The following TENM3 variants were observed in gnomAD, a reference collection of about 807,000 sequenced individuals.
TENM3 encodes the protein teneurin-3.
In TENM3, 63 loss-of-function variants were observed where a neutral mutation model predicts 255.1. The ratio of observed to expected loss-of-function variants is 0.25; its 90% CI spans 0.20 to 0.30. The LOEUF is 0.30. Among genes scored for constraint, TENM3 ranks in the 10% least tolerant of loss-of-function variants. The probability of loss-of-function intolerance (pLI) is 1.00; values close to 1 mark genes in which losing one functional copy is unlikely to be tolerated. For missense variants in TENM3, 2,929 were observed against 3,461.1 expected (o/e 0.85, Z 3.86); for synonymous variants, 1,306 against 1,322.3 (o/e 0.99, Z 0.27).
the TENM3 span, among the ~76,000 whole-genome samples, chr4:181,584,380 C>A: frequency 1.2e-4 from 19 of 152,254 alleles, no homozygotes; most frequent in African/African-American, 3.4e-4. Context: ...AGTCCTCTTA[C>A]CTAACTGTCC....
At chr4:182,045,432 TTTC>T in the TENM3 span, among the ~76,000 whole-genome samples, 3,758 of 152,044 alleles carry the variant, frequency 0.025, 162 homozygotes, top group African/African-American at 0.084. Flanking sequence ...CTAAATAGAT[TTTC>T]TTCTTGCTGA....
chr4:182,643,973 T>C (rs1252575827), intron 5 of TENM3, among the ~76,000 whole-genome samples: 1 of 152,222 alleles, frequency 6.6e-6, no homozygotes, highest in African/African-American at 2.4e-5. Context: ...TCTTTGTCTT[T>C]GTGAGAATGT....
the TENM3 span, among the ~76,000 whole-genome samples, chr4:181,700,161 C>T: frequency 3.9e-5 from 6 of 152,106 alleles, no homozygotes; most frequent in South Asian, 1.0e-3. Flanking sequence ...AAATAAAATG[C>T]TCATGAAAAT....
At chr4:181,476,378 C>T in the TENM3 span, among the ~76,000 whole-genome samples, 597 of 152,110 alleles carry the variant, frequency 3.9e-3, 3 homozygotes, top group Non-Finnish European at 5.7e-3. Flanking sequence ...ATTACTGGGA[C>T]GTGAGGGCAG....
intron 3 of TENM3, among the ~76,000 whole-genome samples, chr4:182,464,960 A>C (rs17073340): frequency 0.017 from 2,566 of 152,200 alleles, 96 homozygotes; most frequent in African/African-American, 0.059. Flanking sequence ...TTTGATGTTT[A>C]CTGCTGAATT....
chr4:182,032,734 T>C, the TENM3 span, among the ~76,000 whole-genome samples: 2 of 152,298 alleles, frequency 1.3e-5, no homozygotes, highest in East Asian at 3.9e-4. Context: ...TGATAACTTG[T>C]TATTGGTCTA....
chr4:181,503,889 C>T, the TENM3 span, among the ~76,000 whole-genome samples: 1 of 152,316 alleles, frequency 6.6e-6, no homozygotes, highest in South Asian at 2.1e-4. Context: ...GGCTGTCAGG[C>T]TCCTTAGAAA....
the TENM3 span, among the ~76,000 whole-genome samples, chr4:182,000,284 G>T: frequency 6.6e-6 from 1 of 152,096 alleles, no homozygotes; most frequent in Non-Finnish European, 1.5e-5. Flanking sequence ...TGATGAAATA[G>T]CAGTATTGCT....
chr4:182,064,789 C>T, the TENM3 span, among the ~76,000 whole-genome samples: 2 of 152,040 alleles, frequency 1.3e-5, no homozygotes, highest in South Asian at 2.1e-4. Flanking sequence ...GGCATAGAAA[C>T]GAGGACACAA....
chr4:182,681,308 T>G (rs1254178205), intron 10 of TENM3, among the ~76,000 whole-genome samples: 1 of 152,252 alleles, frequency 6.6e-6, no homozygotes, highest in African/African-American at 2.4e-5. Flanking sequence ...GTCTCTGGAA[T>G]TAAATTTTCA....
the TENM3 span, among the ~76,000 whole-genome samples, chr4:181,665,626 T>TACAC: frequency 8.2e-5 from 12 of 145,878 alleles, no homozygotes; most frequent in African/African-American, 2.0e-4. Flanking sequence ...TGTGTATATA[T>TACAC]ACACACACAT....
intron 3 of TENM3, among the ~76,000 whole-genome samples, chr4:182,572,597 A>G (rs1325021190): frequency 1.3e-5 from 2 of 152,188 alleles, no homozygotes; most frequent in African/African-American, 4.8e-5. Flanking sequence ...AGATGGGTGT[A>G]CCTCTTTCCA....
chr4:182,776,926 G>A (rs553255549), intron 24 of TENM3, among the ~76,000 whole-genome samples: 5 of 152,224 alleles, frequency 3.3e-5, no homozygotes, highest in East Asian at 1.9e-4. Flanking sequence ...GATTGCTCTC[G>A]GAGAGACAAT....
chr4:182,060,267 A>G, the TENM3 span, among the ~76,000 whole-genome samples: 5 of 152,224 alleles, frequency 3.3e-5, no homozygotes, highest in East Asian at 7.7e-4. Flanking sequence ...AAAGTAGTCT[A>G]TGGCAGCAGT....
chr4:182,635,828 A>G (rs543944314), intron 5 of TENM3, among the ~76,000 whole-genome samples: 6 of 152,078 alleles, frequency 3.9e-5, no homozygotes, highest in African/African-American at 1.2e-4. Context: ...TTCTGGGCCT[A>G]TTTGCATTTT....
chr4:182,418,844 T>A (rs1770578056), intron 3 of TENM3, among the ~76,000 whole-genome samples: 1 of 152,148 alleles, frequency 6.6e-6, no homozygotes, highest in Admixed American at 6.5e-5. Flanking sequence ...ATTACAGCTG[T>A]GTGCCACCGT....
the TENM3 span, among the ~76,000 whole-genome samples, chr4:181,873,219 C>G: frequency 6.6e-6 from 1 of 152,014 alleles, no homozygotes; most frequent in Non-Finnish European, 1.5e-5. Context: ...GGAGGCATGC[C>G]AACACACCCA....
chr4:182,572,708 C>T (rs1451193729), intron 3 of TENM3, among the ~76,000 whole-genome samples: 1 of 150,260 alleles, frequency 6.7e-6, no homozygotes, highest in East Asian at 1.9e-4. Flanking sequence ...AAAGAAACTT[C>T]CTGTAGTGGT....
chr4:181,559,804 A>G, the TENM3 span, among the ~76,000 whole-genome samples: 3 of 152,210 alleles, frequency 2.0e-5, no homozygotes, highest in Middle Eastern at 3.2e-3. Context: ...CCAAACTACA[A>G]CTGCATCTTC....
Sources: allele counts gnomAD v4.1 joint callset (sites outside exome capture counted in the v4.1 genomes callset), GRCh38; gene constraint gnomAD v4.1.1; transcripts MANE v1.5; gene names NCBI Gene and HGNC (gene_info 2026-07-23, HGNC 2026-07-21).